CRACR2B: variants seen among roughly 807,000 people sequenced by gnomAD.
CRACR2B encodes EF-hand calcium-binding domain-containing protein 4A.
A neutral mutation model predicts 46.0 loss-of-function variants in CRACR2B; 50 were observed. That is an observed-to-expected ratio of 1.09 (90% CI 0.87 to 1.38). The LOEUF is 1.38. CRACR2B is among the 40% of genes most tolerant of loss of function. The probability of loss-of-function intolerance (pLI) is 0.00; values close to 1 mark genes in which losing one functional copy is unlikely to be tolerated. For synonymous variants in CRACR2B, 277 were observed against 239.6 expected, an observed-to-expected ratio of 1.16 and a Z score of -1.44; for missense variants, 667 against 535.0, an observed-to-expected ratio of 1.25 and a Z score of -2.43.
rs375052201 is a variant in CRACR2B at position 830,035 on chromosome 11, G to A, written c.508G>A (p.Glu170Lys). Residue 170 changes from glutamate to lysine, a missense_variant, in exon 4 of 9, where the codon GAG (glutamate) becomes AAG (lysine). Transcript: ENST00000525077. ...GGCCAGGCTGCAGCGCGAGCGCCCC[G>A]AGCTGCTGGGCTCTTTCGAGGATGT... ...LWARLQRERP[E>K]LLGSFEDVLI... 6.8e-5 allele frequency: 107 copies of A among 1,568,682 alleles called. No individual in the cohort carries two copies. The highest frequency in any genetic ancestry group is 8.9e-5 in the Non-Finnish European group (103 of 1,163,128).
intron 2 of CRACR2B, 142 bp from the exon 3 acceptor site, chr11:829,218 C>T (rs1846173092): frequency 9.0e-6 from 13 of 1,443,262 alleles, no homozygotes; most frequent in Non-Finnish European, 1.2e-5. Flanking sequence ...CCTCTTGTTT[C>T]CAGGCCAATA....
At position 829,411 on chromosome 11, in the gene CRACR2B, C is replaced by T. The variant is rs1468165800; in HGVS notation, c.329C>T (p.Pro110Leu). 2.2e-5 allele frequency: 36 copies of T among 1,611,058 alleles called. No individual in the cohort carries two copies. The highest frequency in any genetic ancestry group is 3.0e-5 in the Non-Finnish European group (35 of 1,179,288). Residue 110 changes from proline to leucine, a missense_variant, in exon 3 of 9, where the codon CCC becomes CTC. Transcript: ENST00000525077. ...CAGGGAGCGAACCCCTGCAGGACTCCCGAGGAGACCTTTGAGTCGGGCGGG... is the reference window on the plus strand; with the variant it reads ...CAGGGAGCGAACCCCTGCAGGACTCTCGAGGAGACCTTTGAGTCGGGCGGG... ...SAQGANPCRT[P>L]EETFESGGLD...
At chr11:831,188 C>T (rs1846395354) in intron 7 of CRACR2B, 36 bp from the exon 8 acceptor site, 2 of 1,610,726 alleles carry the variant, frequency 1.2e-6, no homozygotes, top group Non-Finnish European at 1.7e-6. Context: ...CCCCAAGGAG[C>T]CTTCCTGCAG....
chr11:830,814 C>A, intron 6 of CRACR2B, 52 bp from the exon 7 acceptor site: 1 of 1,490,344 alleles, frequency 6.7e-7, no homozygotes, highest in Non-Finnish European at 8.9e-7. Flanking sequence ...ACGCGCAGCA[C>A]CCCGGGGAAG....
intron 1 of CRACR2B, 27 bp downstream of exon 1, chr11:828,799 T>C: frequency 6.2e-7 from 1 of 1,612,490 alleles, no homozygotes. Context: ...AAGAGACTGC[T>C]TCGGCCCTGG....
At chr11:826,386 C>A (rs537024120), upstream of CRACR2B, 1 of 152,328 alleles carries the variant, frequency 6.6e-6, no homozygotes, top group South Asian at 2.1e-4. Context: ...TTCCAATCCT[C>A]CCCCAAGGGG....
Position 828,365 on chromosome 11 carries a change from G to T in CRACR2B, c.-243G>T. The T allele has an allele frequency of 2.0e-6, 1 of 510,972 alleles. No homozygotes were observed. The highest frequency in any genetic ancestry group is 3.4e-6 in the Non-Finnish European group (1 of 293,576). The allele number at this position is 510,972 out of a possible 1,614,324, so 31.7% of individuals were successfully genotyped here. A position where few individuals can be genotyped will look rare whatever the true frequency, so the allele number is the denominator to read the frequency against. On this transcript the variant is annotated 5_prime_UTR_variant, in exon 1 of 9. Coordinates refer to ENST00000525077, the MANE Select transcript of CRACR2B (RefSeq NM_001286606.2). ...CCTCCTGAGATGCCAGACCCACTGG[G>T]GCAGTACCCACAGGCCCTGAGCCTA...
rs1300195939 is a variant in CRACR2B, at chr11:828,915, C to T, written c.229C>T (p.Arg77Trp). The change falls in exon 2 of 9, where the codon CGG becomes TGG. Residue 77 changes from arginine (R) to tryptophan (W), a missense_variant. By Grantham distance (101) the Arg-to-Trp change is moderately radical. Coordinates refer to ENST00000525077, the MANE Select transcript of CRACR2B (RefSeq NM_001286606.2). ...QLEAVFESLDRAHTGFLTARE... is the reference protein window; with the variant it reads ...QLEAVFESLDWAHTGFLTARE... ...GGAGGCTGTGTTTGAAAGTCTGGAC[C>T]GGGCTCACACTGGCTTCCTCACCGC... 1 of 1,608,658 alleles carries T rather than the reference C, an allele frequency of 6.2e-7. No individual in the cohort carries two copies. The highest frequency in any genetic ancestry group is 8.5e-7 in the Non-Finnish European group (1 of 1,179,968).
At chr11:831,105 G>A (rs1036487893) in intron 7 of CRACR2B, 73 bp downstream of exon 7, 4 of 1,559,146 alleles carry the variant, frequency 2.6e-6, no homozygotes, top group South Asian at 2.3e-5. Context: ...TCAGGTCTGG[G>A]CCACTTTCAT....
At position 831,774 on chromosome 11, in the gene CRACR2B, CG is replaced by C; in HGVS notation, c.*70del. On this transcript the variant is annotated 3_prime_UTR_variant, in exon 9 of 9. Coordinates refer to ENST00000525077, the MANE Select transcript of CRACR2B (RefSeq NM_001286606.2). ...CCCTTGCAGGAGGCTTGTCATGGGT[CG>C]GGGGTGCCCACTCAGGATGCAGGCT... is the stretch of plus-strand genomic sequence containing the variant. 2 of 1,446,122 alleles carry C rather than the reference CG, an allele frequency of 1.4e-6. No individual in the cohort carries two copies. Among genetic ancestry groups the C allele is most frequent in the African/African-American group, 1.5e-5 (1 of 67,588 alleles). 89.6% of individuals were successfully genotyped at this position (1,446,122 alleles called of 1,614,324 possible).
rs1425655440 is a variant in CRACR2B at position 831,659 on chromosome 11, T to G, written c.1150T>G (p.Trp384Gly). The G allele has an allele frequency of 5.8e-6, 9 of 1,541,848 alleles. No homozygotes were observed. The highest frequency in any genetic ancestry group is 7.8e-6 in the Non-Finnish European group (9 of 1,150,062). Reference sequence around the variant, plus strand: ...GCCCACCTGCTGCTGCTGCTGTTGCTGGGCTCGGCCCCCCAGACGCGGCTC... The same window carrying G: ...GCCCACCTGCTGCTGCTGCTGTTGCGGGGCTCGGCCCCCCAGACGCGGCTC... The part of the protein sequence containing the change: ...PGPTCCCCCC[W>G]ARPPRRGSGH... The change falls in exon 9 of 9, where the codon TGG (tryptophan) becomes GGG (glycine). Residue 384 changes from tryptophan (W) to glycine (G), a missense_variant. Trp to Gly is a radical substitution (Grantham distance 184). Transcript: ENST00000525077.
Position 830,793 on chromosome 11 carries a change from G to A in CRACR2B, c.787-73G>A, listed in dbSNP as rs1846349086. 11 of 1,482,098 alleles carry A rather than the reference G, an allele frequency of 7.4e-6. No individual in the cohort carries two copies. In the East Asian group the frequency reaches 2.7e-4, roughly 37 times the overall value. The allele number at this position is 1,482,098 out of a possible 1,614,324, so 91.8% of individuals were successfully genotyped here. A position where few individuals can be genotyped will look rare whatever the true frequency, so the allele number is the denominator to read the frequency against. ...TGCCTTAGCGTCCCCGGGTTGTCGGGAGCCTGGGGCACGCGCAGCACCCCG... is the reference window on the plus strand; with the variant it reads ...TGCCTTAGCGTCCCCGGGTTGTCGGAAGCCTGGGGCACGCGCAGCACCCCG... On this transcript the variant is annotated intron_variant, in intron 6 of 8. Coordinates refer to ENST00000525077, the MANE Select transcript of CRACR2B (RefSeq NM_001286606.2).
upstream of CRACR2B, chr11:827,421 G>T: frequency 2.2e-6 from 1 of 464,478 alleles, no homozygotes; most frequent in Non-Finnish European, 2.8e-6. Context: ...GTCTCGGTCG[G>T]GAACTCCGGT....
chr11:827,457 G>A, upstream of CRACR2B: 1 of 765,872 alleles, frequency 1.3e-6, no homozygotes, highest in South Asian at 5.9e-5. Context: ...CAAGGCGGCA[G>A]GGGTAAGGGC....
Position 830,712 on chromosome 11 carries a change from A to G in CRACR2B, c.785A>G (p.Glu262Gly), listed in dbSNP as rs1846338530. The G allele has an allele frequency of 1.3e-6, 2 of 1,532,030 alleles. No individual in the cohort carries two copies. Among genetic ancestry groups the G allele is most frequent in the Non-Finnish European group, 8.8e-7 (1 of 1,140,560 alleles). 94.9% of individuals were successfully genotyped at this position (1,532,030 alleles called of 1,614,324 possible). The change falls in exon 6 of 9, where the codon GAG becomes GGG. Residue 262 changes from glutamate to glycine, a missense_variant and splice_region_variant. By Grantham distance (98) the Glu-to-Gly change is moderately conservative. Coordinates refer to ENST00000525077, the MANE Select transcript of CRACR2B (RefSeq NM_001286606.2). The stretch of plus-strand genomic sequence containing the variant: ...GAACGCGCGGGCCTGCGGCAGCGGG[A>G]GGTGAGCACCCGGCCCCTGCCCTGT... Reference protein sequence around the residue: ...DLERAGLRQRELEQQLHAQAA... With the variant: ...DLERAGLRQRGLEQQLHAQAA...
chr11:830,214 G>C (rs1846284994), intron 4 of CRACR2B, 36 bp from the exon 5 acceptor site: 2 of 1,495,720 alleles, frequency 1.3e-6, no homozygotes, highest in South Asian at 2.6e-5. Context: ...TGTAGCGCTG[G>C]CAAGTTCTCA....
chr11:828,891 G>A lies in CRACR2B; in HGVS notation c.205G>A (p.Glu69Lys), dbSNP rs1005782765. The part of the protein sequence containing the change: ...SDLPLTPEQL[E>K]AVFESLDRAH... Reference sequence around the variant, plus strand: ...CCTGCCCCTCACGCCAGAGCAGCTGGAGGCTGTGTTTGAAAGTCTGGACCG... The same window carrying A: ...CCTGCCCCTCACGCCAGAGCAGCTGAAGGCTGTGTTTGAAAGTCTGGACCG... The change falls in exon 2 of 9, where the codon GAG becomes AAG. Residue 69 changes from glutamate to lysine, a missense_variant. Coordinates refer to ENST00000525077, the MANE Select transcript of CRACR2B (RefSeq NM_001286606.2). The A allele has an allele frequency of 2.5e-6, 4 of 1,609,864 alleles. No individual in the cohort carries two copies. The highest frequency in any genetic ancestry group is 2.5e-6 in the Non-Finnish European group (3 of 1,179,916).
chr11:829,815 C>G (rs1846242624), intron 3 of CRACR2B, 171 bp from the exon 4 acceptor site: 1 of 1,307,862 alleles, frequency 7.6e-7, no homozygotes, highest in East Asian at 2.6e-5. Flanking sequence ...ACCTCACCGA[C>G]CACGCACGCC....
chr11:828,281 G>C lies in CRACR2B; in HGVS notation c.-327G>C. The C allele has an allele frequency of 3.0e-6, 1 of 332,316 alleles. No homozygotes were observed. The highest frequency in any genetic ancestry group is 5.5e-6 in the Non-Finnish European group (1 of 181,322). 20.6% of individuals were successfully genotyped at this position (332,316 alleles called of 1,614,324 possible). A position where few individuals can be genotyped will look rare whatever the true frequency, so the allele number is the denominator to read the frequency against. On this transcript the variant is annotated 5_prime_UTR_variant, in exon 1 of 9. Transcript: ENST00000525077. ...CCAGGTCTTCTCCACTGGCCCCTGA[G>C]ATTGCCATCACCTCCAGCTCCTCCT... is the stretch of plus-strand genomic sequence containing the variant.
Sources: gnomAD v4.1 joint callset for allele counts on GRCh38, gnomAD v4.1.1 for gene constraint, MANE v1.5 for transcripts, NCBI Gene and HGNC (gene_info 2026-07-23, HGNC 2026-07-21) for gene names.